LOXL4: variants seen among roughly 807,000 people sequenced by gnomAD.
LOXL4 encodes lysyl oxidase like 4.
In LOXL4, 72 loss-of-function variants were observed where a neutral mutation model predicts 89.1. The ratio of observed to expected loss-of-function variants is 0.81; its 90% CI spans 0.67 to 0.98. The LOEUF is 0.98. Among genes scored for constraint, LOXL4 ranks in the 50% least tolerant of loss-of-function variants. The probability of loss-of-function intolerance (pLI) is 0.00; values close to 1 mark genes in which losing one functional copy is unlikely to be tolerated. For missense variants in LOXL4, 984 were observed against 1,017.5 expected (o/e 0.97, Z 0.45); for synonymous variants, 355 against 392.1 (o/e 0.91, Z 1.12).
intron 10 of LOXL4, among the ~76,000 whole-genome samples, chr10:98,254,401 G>A (rs1439006194): frequency 1.3e-5 from 2 of 152,206 alleles, no homozygotes; most frequent in Non-Finnish European, 2.9e-5. Context: ...CATGCCACCT[G>A]GGCAGGCCGG....
intron 1 of LOXL4, among the ~76,000 whole-genome samples, chr10:98,266,302 T>G (rs1168661811): frequency 6.6e-6 from 1 of 152,198 alleles, no homozygotes; most frequent in Non-Finnish European, 1.5e-5. Flanking sequence ...TGGAGTCAAA[T>G]ATTTTCCTTT....
intron 10 of LOXL4, 80 bp from the exon 11 acceptor site, chr10:98,253,876 TG>T (rs1247903759): frequency 6.5e-5 from 102 of 1,576,372 alleles, no homozygotes; most frequent in Non-Finnish European, 4.3e-6. Flanking sequence ...AGGGCAAGCT[TG>T]CCCCCAGATT....
chr10:98,266,530 AGG>A (rs1858692381), intron 1 of LOXL4, among the ~76,000 whole-genome samples: 1 of 152,072 alleles, frequency 6.6e-6, no homozygotes, highest in South Asian at 2.1e-4. Context: ...AGGGCATGGG[AGG>A]GCTTCTGCTG....
At chr10:98,263,199 CATTA>C (rs1328006479) in intron 1 of LOXL4, 148 bp from the exon 2 acceptor site, 58 of 605,080 alleles carry the variant, frequency 9.6e-5, no homozygotes, top group Non-Finnish European at 1.5e-4. Context: ...CACACAGTGG[CATTA>C]ATTGAGTCTG....
At chr10:98,264,850 C>G (rs1858639630) in intron 1 of LOXL4, among the ~76,000 whole-genome samples, 1 of 135,638 alleles carries the variant, frequency 7.4e-6, no homozygotes, top group Non-Finnish European at 1.7e-5. Flanking sequence ...TGAGACCTGC[C>G]TCTTCCACGG....
chr10:98,257,423 C>A (rs1304136414), intron 8 of LOXL4, among the ~76,000 whole-genome samples: 5 of 152,202 alleles, frequency 3.3e-5, no homozygotes. Context: ...TCACAGGGGA[C>A]CCGAGACGGG....
At chr10:98,252,599 C>G (rs1428950013) in intron 11 of LOXL4, 131 bp from the exon 12 acceptor site, 1 of 615,586 alleles carries the variant, frequency 1.6e-6, no homozygotes. Flanking sequence ...GTGCCCTTCT[C>G]CCTCCCAAAC....
chr10:98,248,570 G>T lies in LOXL4; in HGVS notation c.*351C>A. On this transcript the variant is annotated 3_prime_UTR_variant, in exon 15 of 15. Coordinates refer to ENST00000260702, the MANE Select transcript of LOXL4 (RefSeq NM_032211.7). ...ACATTTGCAAAGCACCACTTAGATG[G>T]GGGACTGGGCCATAGTCCATCCCTA... 1 of 242,434 alleles carries T rather than the reference G, an allele frequency of 4.1e-6. No homozygotes were observed. The highest frequency in any genetic ancestry group is 1.0e-4 in the East Asian group (1 of 9,970). The allele number at this position is 242,434 out of a possible 1,614,324, so 15.0% of individuals were successfully genotyped here. A position where few individuals can be genotyped will look rare whatever the true frequency, so the allele number is the denominator to read the frequency against.
chr10:98,249,081 A>C, intron 14 of LOXL4, 90 bp from the exon 15 acceptor site: 140 of 954,176 alleles, frequency 1.5e-4, no homozygotes, highest in East Asian at 2.0e-4. Context: ...TGCCCAGCTC[A>C]TCCTTTATAT....
At chr10:98,264,601 TC>T (rs1453620628) in intron 1 of LOXL4, among the ~76,000 whole-genome samples, 1 of 151,768 alleles carries the variant, frequency 6.6e-6, no homozygotes, top group East Asian at 2.0e-4. Context: ...GTTCTTTGGG[TC>T]CTTAGAGAGG....
At chr10:98,249,106 G>T (rs1858117806) in intron 14 of LOXL4, 115 bp from the exon 15 acceptor site, 4 of 757,836 alleles carry the variant, frequency 5.3e-6, no homozygotes, top group Non-Finnish European at 9.1e-6. Context: ...TCATGGCATG[G>T]GCACAGACAC....
chr10:98,253,460 A>G, intron 11 of LOXL4, 93 bp downstream of exon 11: 2 of 1,573,934 alleles, frequency 1.3e-6, no homozygotes, highest in Admixed American at 3.4e-5. Flanking sequence ...CTCCCAGGAA[A>G]ACTTGCCTGT....
chr10:98,249,223 C>G (rs1408417113), intron 14 of LOXL4, among the ~76,000 whole-genome samples: 1 of 152,172 alleles, frequency 6.6e-6, no homozygotes, highest in African/African-American at 2.4e-5. Flanking sequence ...TCCTTTGCCC[C>G]CCTCCCCAGG....
intron 1 of LOXL4, among the ~76,000 whole-genome samples, chr10:98,264,581 G>A (rs1486440857): frequency 6.6e-6 from 1 of 152,004 alleles, no homozygotes; most frequent in African/African-American, 2.4e-5. Flanking sequence ...CCAGGAGGCT[G>A]TAATCAGACG....
At chr10:98,251,466 A>C in intron 13 of LOXL4, 100 bp downstream of exon 13, 11 of 1,518,996 alleles carry the variant, frequency 7.2e-6, no homozygotes, top group Non-Finnish European at 9.8e-6. Context: ...GCCTGTCGGA[A>C]ACCCTGTATG....
chr10:98,256,942 GC>G lies in LOXL4; in HGVS notation c.1265del (p.Arg422ProfsTer19). The G allele has an allele frequency of 6.2e-7, 1 of 1,613,986 alleles. No individual in the cohort carries two copies. The highest frequency in any genetic ancestry group is 2.2e-5 in the East Asian group (1 of 44,884). ...VPNMGFQNQV[R>X]LAGGRIPEEG... ...CCTCAGGGATACGCCCACCAGCCAA[GC>G]GCACCTGCAATGGCGAGGGGTGTGT... is the stretch of plus-strand genomic sequence containing the variant. On this transcript the variant is annotated frameshift_variant, in exon 9 of 15. Coordinates refer to ENST00000260702, the MANE Select transcript of LOXL4 (RefSeq NM_032211.7). LOFTEE classifies it high-confidence loss of function.
Position 98,262,516 on chromosome 10 carries a change from A to G in LOXL4, c.277+227T>C, listed in dbSNP as rs1858573367. ...AAGCACCCACTGTGTGCCAATTGCT[A>G]TGTTCAAGGAACTTAGAGTTTAGTG... is the stretch of plus-strand genomic sequence containing the variant. On this transcript the variant is annotated intron_variant, in intron 2 of 14. Transcript: ENST00000260702. Among the ~76,000 whole-genome samples, 4 of 152,160 alleles carry G rather than the reference A, an allele frequency of 2.6e-5. No homozygotes were observed. In the South Asian group the frequency reaches 8.3e-4, roughly 32 times the overall value.
At chr10:98,264,390 G>A (rs1372394380) in intron 1 of LOXL4, among the ~76,000 whole-genome samples, 1 of 149,032 alleles carries the variant, frequency 6.7e-6, no homozygotes, top group East Asian at 2.0e-4. Context: ...GCAAGAGCAG[G>A]AAGTGCCCTT....
At chr10:98,253,454 C>T in intron 11 of LOXL4, 99 bp downstream of exon 11, 1 of 1,556,542 alleles carries the variant, frequency 6.4e-7, no homozygotes, top group Non-Finnish European at 8.7e-7. Flanking sequence ...ACACCCCTCC[C>T]AGGAAAACTT....
Sources: gnomAD v4.1 joint callset for allele counts (sites outside exome capture counted in the v4.1 genomes callset) on GRCh38, gnomAD v4.1.1 for gene constraint, MANE v1.5 for transcripts, NCBI Gene and HGNC (gene_info 2026-07-23, HGNC 2026-07-21) for gene names.